The following ESR2 variants were observed in gnomAD, a reference collection of about 807,000 sequenced individuals.
ESR2 encodes estrogen receptor beta.
Under a neutral mutation model 49.6 loss-of-function variants are expected in ESR2, and 36 were observed. That is an observed-to-expected ratio of 0.73 (90% CI 0.56 to 0.96). The LOEUF (loss-of-function observed/expected upper bound fraction) is 0.96, where lower values mean the gene tolerates loss of function less well. Among genes scored for constraint, ESR2 ranks in the 40% least tolerant of loss-of-function variants. ESR2 has a pLI of 0.00. For synonymous variants in ESR2, 320 were observed against 266.1 expected, an observed-to-expected ratio of 1.20 and a Z score of -1.97; for missense variants, 714 against 693.0, an observed-to-expected ratio of 1.03 and a Z score of -0.34.
At chr14:64,332,824 T>C (rs1222735977) in intron 1 of ESR2, among the ~76,000 whole-genome samples, 1 of 149,252 alleles carries the variant, frequency 6.7e-6, no homozygotes, top group Non-Finnish European at 1.5e-5. Context: ...GGGTACCGTA[T>C]ATGATCAAAC....
At chr14:64,283,747 C>CA (rs757997424) in intron 1 of ESR2, among the ~76,000 whole-genome samples, 1,278 of 45,486 alleles carry the variant, frequency 0.028, 58 homozygotes, top group East Asian at 0.042. Flanking sequence ...GACCCTGTCT[C>CA]AAAAAAAAAA....
chr14:64,315,113 G>A (rs766983957), intron 1 of ESR2, among the ~76,000 whole-genome samples: 14 of 150,834 alleles, frequency 9.3e-5, no homozygotes, highest in African/African-American at 2.2e-4. Context: ...GCATGGTGGT[G>A]TGTGCCTGTA....
At chr14:64,315,310 G>T (rs1404105046) in intron 1 of ESR2, among the ~76,000 whole-genome samples, 1 of 149,708 alleles carries the variant, frequency 6.7e-6, no homozygotes, top group Non-Finnish European at 1.5e-5. Flanking sequence ...CAGAATGCAA[G>T]GTCTATTACT....
Position 64,230,364 on chromosome 14 carries a change from T to G in ESR2, c.*2773A>C, listed in dbSNP as rs1472487728. Among the ~76,000 whole-genome samples the G allele has an allele frequency of 6.6e-6, 1 of 152,144 alleles. No individual in the cohort carries two copies. Among genetic ancestry groups the G allele is most frequent in the Non-Finnish European group, 1.5e-5 (1 of 68,032 alleles). On this transcript the variant is annotated 3_prime_UTR_variant, in exon 9 of 9. Coordinates refer to ENST00000341099, the MANE Select transcript of ESR2 (RefSeq NM_001437.3). ...TAGAAAATTCTAGAATTGCTTCAAT[T>G]CCACTTATATACATAAATATATATG...
chr14:64,297,770 G>A (rs1362983859), upstream of ESR2: 1 of 152,198 alleles, frequency 6.6e-6, no homozygotes, highest in African/African-American at 2.4e-5. Context: ...GGGAAAGGAG[G>A]AATGCTACAG....
intron 1 of ESR2, among the ~76,000 whole-genome samples, chr14:64,284,610 C>A (rs765665251): frequency 6.6e-6 from 1 of 152,110 alleles, no homozygotes; most frequent in Non-Finnish European, 1.5e-5. Flanking sequence ...GCATGAGCTA[C>A]CATGCCCGGC....
chr14:64,239,141 G>A (rs567762545), intron 7 of ESR2, among the ~76,000 whole-genome samples: 76 of 152,266 alleles, frequency 5.0e-4, no homozygotes, highest in African/African-American at 1.8e-3. Flanking sequence ...CATGACCCAC[G>A]CCCTCTGTCA....
Position 64,260,534 on chromosome 14 carries a change from GA to G in ESR2, c.866del (p.Phe289SerfsTer6). ...GGGACATCATCATGGAGGCCTCGGT[GA>G]AGGGCGCACTGGGGCGGCTGATCAG... is the stretch of plus-strand genomic sequence containing the variant. ...HVLISRPSAP[F>X]TEASMMMSLT... On this transcript the variant is annotated frameshift_variant, in exon 5 of 9. Transcript: ENST00000341099. LOFTEE classifies it high-confidence loss of function. 6.4e-7 allele frequency: 1 copy of G among 1,567,444 alleles called. No individual in the cohort carries two copies. The highest frequency in any genetic ancestry group is 8.7e-7 in the Non-Finnish European group (1 of 1,156,006).
chr14:64,302,692 G>C (rs2077040432), intron 1 of ESR2, among the ~76,000 whole-genome samples: 1 of 152,172 alleles, frequency 6.6e-6, no homozygotes, highest in Admixed American at 6.6e-5. Context: ...ATAATGAGCA[G>C]ATTTATCATC....
At chr14:64,320,924 T>C (rs954593666) in intron 1 of ESR2, among the ~76,000 whole-genome samples, 5 of 152,084 alleles carry the variant, frequency 3.3e-5, no homozygotes, top group Admixed American at 1.3e-4. Context: ...AATGTATTAA[T>C]GTTAACTCAA....
chr14:64,227,439 T>A, downstream of ESR2: 1 of 1,419,970 alleles, frequency 7.0e-7, no homozygotes, highest in Non-Finnish European at 9.7e-7. Context: ...TTCTTTAAAA[T>A]TATTTTTTTC....
At chr14:64,280,551 G>C (rs1039322636) in intron 2 of ESR2, among the ~76,000 whole-genome samples, 1 of 152,178 alleles carries the variant, frequency 6.6e-6, no homozygotes, top group Non-Finnish European at 1.5e-5. Context: ...GTAGTTACTA[G>C]AGTTCACGAA....
At chr14:64,337,259 G>A (rs2140914130) in intron 1 of ESR2, 1 of 152,358 alleles carries the variant, frequency 6.6e-6, no homozygotes, top group Non-Finnish European at 1.5e-5. Context: ...CAGGTATGCA[G>A]CTGTAGGCAA....
At chr14:64,324,132 G>A (rs1041870445) in intron 1 of ESR2, among the ~76,000 whole-genome samples, 5 of 152,296 alleles carry the variant, frequency 3.3e-5, no homozygotes, top group East Asian at 3.9e-4. Context: ...TCTGCACCGC[G>A]CCGCCTGGTA....
At position 64,248,460 on chromosome 14, in the gene ESR2, C is replaced by T. The variant is rs1342166699; in HGVS notation, c.1225+1086G>A. ...GTACTAGGTTACAGTGAGCTATGAT[C>T]ATGCCACTGCCCTCCAGCCTGGGCA... On this transcript the variant is annotated intron_variant, in intron 7 of 8. Transcript: ENST00000341099. Among the ~76,000 whole-genome samples the T allele has an allele frequency of 2.2e-5, 3 of 136,654 alleles. No individual in the cohort carries two copies. The East Asian group carries it at 6.5e-4, about 30-fold the overall frequency. The allele number at this position is 136,654 out of a possible 152,430, so 89.7% of individuals were successfully genotyped here.
chr14:64,240,087 T>G (rs1051379809), intron 7 of ESR2, among the ~76,000 whole-genome samples: 4 of 152,264 alleles, frequency 2.6e-5, no homozygotes, highest in African/African-American at 9.6e-5. Context: ...TAGCCATTAT[T>G]AGTAGATATG....
At chr14:64,270,742 T>C (rs1169921961) in intron 3 of ESR2, among the ~76,000 whole-genome samples, 1 of 152,210 alleles carries the variant, frequency 6.6e-6, no homozygotes, top group Non-Finnish European at 1.5e-5. Flanking sequence ...ATTCCTGACC[T>C]CAGGTGATCC....
At chr14:64,227,557 CAA>C (rs1567720144), downstream of ESR2, 4 of 1,614,194 alleles carry the variant, frequency 2.5e-6, no homozygotes, top group Middle Eastern at 3.3e-4. Flanking sequence ...TTGCTTCAGG[CAA>C]AAGAGTCTCC....
intron 1 of ESR2, among the ~76,000 whole-genome samples, chr14:64,318,684 G>C (rs1379916703): frequency 1.3e-5 from 2 of 151,544 alleles, no homozygotes; most frequent in Non-Finnish European, 2.9e-5. Flanking sequence ...AGGATCATTT[G>C]AGGCCAGGAA....
Sources: allele counts gnomAD v4.1 joint callset (sites outside exome capture counted in the v4.1 genomes callset), GRCh38; gene constraint gnomAD v4.1.1; transcripts MANE v1.5; gene names NCBI Gene and HGNC (gene_info 2026-07-23, HGNC 2026-07-21).